The following CELSR1 variants were observed in gnomAD, a reference collection of about 807,000 sequenced individuals.
The protein encoded by CELSR1 is adhesion G protein-coupled receptor C1.
CELSR1 carries 110 observed loss-of-function variants against 249.1 expected under a neutral mutation model. That is an observed-to-expected ratio of 0.44 (90% CI 0.38 to 0.52). The LOEUF is 0.52. Among genes scored for constraint, CELSR1 ranks in the 20% least tolerant of loss-of-function variants. CELSR1 has a pLI of 0.00. For synonymous variants in CELSR1, 2,113 were observed against 1,900.0 expected (o/e 1.11, Z -2.92); for missense variants, 4,109 against 4,296.4 (o/e 0.96, Z 1.22).
In CELSR1 at chr22:46,420,476, G is replaced by A. The variant is rs927380541; in HGVS notation, c.4612-8717C>T. The stretch of plus-strand genomic sequence containing the variant: ...CACCCAGGTGCACTCACCCACTCAC[G>A]TATGCACTCACACGTGTGCACACGT... On this transcript the variant is annotated intron_variant, in intron 5 of 34. Coordinates refer to ENST00000674500, the MANE Select transcript of CELSR1 (RefSeq NM_001378328.1). 2.6e-5 allele frequency among the ~76,000 whole-genome samples: 4 copies of A among 152,048 alleles called. No individual in the cohort carries two copies. The South Asian group carries it at 8.3e-4, about 32-fold the overall frequency.
intron 1 of CELSR1, among the ~76,000 whole-genome samples, chr22:46,510,180 T>C (rs2080558677): frequency 6.6e-6 from 1 of 152,176 alleles, no homozygotes; most frequent in Admixed American, 6.5e-5. Flanking sequence ...GAAGTAATAA[T>C]AACAGCTAAG....
At chr22:46,365,545 A>C in intron 31 of CELSR1, 41 bp downstream of exon 31, 1 of 1,554,764 alleles carries the variant, frequency 6.4e-7, no homozygotes, top group South Asian at 1.2e-5. Context: ...GGACGTGGGA[A>C]AAACAACCCA....
In CELSR1 at chr22:46,430,721, T is replaced by G. The variant is rs747090143; in HGVS notation, c.4611+2672A>C. Among the ~76,000 whole-genome samples, 2 of 152,068 alleles carry G rather than the reference T, an allele frequency of 1.3e-5. No individual in the cohort carries two copies. The highest frequency in any genetic ancestry group is 6.5e-5 in the Admixed American group (1 of 15,272). Reference sequence around the variant, plus strand: ...AGAGGAACCAGCCCCCAGAAGATTGTCTTCCTGACCTCAAGCTGGCCCCCG... The same window carrying G: ...AGAGGAACCAGCCCCCAGAAGATTGGCTTCCTGACCTCAAGCTGGCCCCCG... On this transcript the variant is annotated intron_variant, in intron 5 of 34. Coordinates refer to ENST00000674500, the MANE Select transcript of CELSR1 (RefSeq NM_001378328.1). The surrounding 1 kb of genome is among the most constrained non-coding windows in gnomAD (Gnocchi z 4.6).
At chr22:46,438,058 C>A (rs1258924210) in intron 3 of CELSR1, among the ~76,000 whole-genome samples, 2 of 152,118 alleles carry the variant, frequency 1.3e-5, no homozygotes, top group South Asian at 2.1e-4. Flanking sequence ...CTGCACGGCC[C>A]CCCTGGCAAG....
chr22:46,381,346 C>T lies in CELSR1; in HGVS notation c.7089-391G>A, dbSNP rs963210174. Among the ~76,000 whole-genome samples, 21 of 152,168 alleles carry T rather than the reference C, an allele frequency of 1.4e-4. No homozygotes were observed. The highest frequency in any genetic ancestry group is 3.9e-4 in the African/African-American group (16 of 41,440). On this transcript the variant is annotated intron_variant, in intron 21 of 34. Transcript: ENST00000674500. The surrounding 1 kb of genome is among the most constrained non-coding windows in gnomAD (Gnocchi z 6.0). The stretch of plus-strand genomic sequence containing the variant: ...CCAGTCACTGAGAACCACGTGAACA[C>T]GAGGATCCCAGAGCCAGGGAAGTAT...
chr22:46,396,999 A>C lies in CELSR1; in HGVS notation c.5702-253T>G, dbSNP rs1255848561. 1.3e-5 allele frequency among the ~76,000 whole-genome samples: 2 copies of C among 151,056 alleles called. No homozygotes were observed. Among genetic ancestry groups the C allele is most frequent in the East Asian group, 3.9e-4 (2 of 5,190 alleles). On this transcript the variant is annotated intron_variant, in intron 12 of 34. Transcript: ENST00000674500. This position sits in a 1 kb window ranked among gnomAD's most constrained non-coding sequence, Gnocchi z 6.4. ...TGGAACACGGGGCCCAGGCTGCCCC[A>C]GGACACATGGGGAATGGCCACCAGC...
chr22:46,444,073 A>G (rs115795185), intron 2 of CELSR1, among the ~76,000 whole-genome samples: 3,895 of 152,146 alleles, frequency 0.026, 169 homozygotes, highest in African/African-American at 0.09. Context: ...GGTAGTAAGA[A>G]CCCAGGCTGG....
intron 24 of CELSR1, among the ~76,000 whole-genome samples, chr22:46,375,900 T>G (rs1056551651): frequency 1.3e-5 from 2 of 152,240 alleles, no homozygotes; most frequent in Admixed American, 6.5e-5. Flanking sequence ...TATGAGATCC[T>G]TCATGTTACC....
Position 46,410,270 on chromosome 22 carries a change from G to T in CELSR1, c.4933+128C>A. ...GGTTCCATCCCAGGAGCTGCCCACC[G>T]CTGGACACATACATTTCTAAGAAAA... On this transcript the variant is annotated intron_variant, in intron 7 of 34. Transcript: ENST00000674500. The surrounding 1 kb of genome is among the most constrained non-coding windows in gnomAD (Gnocchi z 6.8). 1.7e-6 allele frequency: 2 copies of T among 1,197,976 alleles called. No homozygotes were observed. The highest frequency in any genetic ancestry group is 2.4e-6 in the Non-Finnish European group (2 of 844,004). The allele number at this position is 1,197,976 out of a possible 1,614,324, so 74.2% of individuals were successfully genotyped here. A position where few individuals can be genotyped will look rare whatever the true frequency, so the allele number is the denominator to read the frequency against.
chr22:46,366,647 G>A (rs562394666), intron 29 of CELSR1, among the ~76,000 whole-genome samples, 167 bp from the exon 30 acceptor site: 10 of 152,276 alleles, frequency 6.6e-5, no homozygotes, highest in Admixed American at 2.6e-4. Context: ...CACTGCAAAC[G>A]AGAGCCTCCT....
At chr22:46,487,258 GTTCTCGAGCTAATTGCA>G (rs1328201071) in intron 1 of CELSR1, among the ~76,000 whole-genome samples, 1 of 152,028 alleles carries the variant, frequency 6.6e-6, no homozygotes, top group Non-Finnish European at 1.5e-5. Context: ...GAGGATTTCA[GTTCTCGAGCTAATTGCA>G]GACGATGTCT....
At chr22:46,370,233 G>C (rs780600714) in intron 25 of CELSR1, 3 of 439,322 alleles carry the variant, frequency 6.8e-6, no homozygotes, top group Non-Finnish European at 1.4e-5. Flanking sequence ...GGAGGACGGC[G>C]TCACCTACAG....
chr22:46,482,851 A>T (rs932974157), intron 1 of CELSR1, among the ~76,000 whole-genome samples: 3 of 152,226 alleles, frequency 2.0e-5, no homozygotes, highest in African/African-American at 7.2e-5. Flanking sequence ...GCTCTATCTG[A>T]TGTCAAGATT....
chr22:46,425,449 C>A (rs552194635), intron 5 of CELSR1, among the ~76,000 whole-genome samples: 1 of 152,324 alleles, frequency 6.6e-6, no homozygotes, highest in African/African-American at 2.4e-5. Context: ...ACTACAAATT[C>A]TATTTCCTCA....
intron 2 of CELSR1, among the ~76,000 whole-genome samples, chr22:46,457,218 G>C (rs1376983397): frequency 6.6e-6 from 1 of 152,014 alleles, no homozygotes; most frequent in African/African-American, 2.4e-5. Context: ...GGTGGTGCAT[G>C]CCTGTAATCC....
rs542625657 is a variant in CELSR1, at chr22:46,450,956, G to C, written c.4184-11545C>G. Among the ~76,000 whole-genome samples the C allele has an allele frequency of 3.3e-5, 5 of 152,306 alleles. No individual in the cohort carries two copies. In the South Asian group the frequency reaches 1.0e-3, roughly 32 times the overall value. ...GGCTGTGAGCTACGCACCTGCGCAA[G>C]GGCGAGGTTACTATTACTGGTCCCT... On this transcript the variant is annotated intron_variant, in intron 2 of 34. Transcript: ENST00000674500.
At chr22:46,462,460 A>G (rs1203147999) in intron 2 of CELSR1, among the ~76,000 whole-genome samples, 1 of 152,162 alleles carries the variant, frequency 6.6e-6, no homozygotes, top group Non-Finnish European at 1.5e-5. Flanking sequence ...CCTGCCTGAT[A>G]AATACCTGCT....
In CELSR1 at chr22:46,417,046, G is replaced by A. The variant is rs190258023; in HGVS notation, c.4612-5287C>T. Among the ~76,000 whole-genome samples, 1,059 of 152,154 alleles carry A rather than the reference G, an allele frequency of 7.0e-3. 10 individuals carry two copies. Among genetic ancestry groups the A allele is most frequent in the African/African-American group, 0.024 (990 of 41,482 alleles). On this transcript the variant is annotated intron_variant, in intron 5 of 34. Transcript: ENST00000674500. The surrounding 1 kb of genome is among the most constrained non-coding windows in gnomAD (Gnocchi z 4.1). ...TCTGTGTCAGAAATGATTAACCAAC[G>A]TTCATATCAAAGAATTCACAGATGG...
intron 2 of CELSR1, among the ~76,000 whole-genome samples, chr22:46,459,114 T>C (rs1278708271): frequency 1.3e-5 from 2 of 152,190 alleles, no homozygotes; most frequent in East Asian, 3.9e-4. Flanking sequence ...GGTCTCAATC[T>C]CCTGACCTCG....
Sources: gnomAD v4.1 joint callset for allele counts (sites outside exome capture counted in the v4.1 genomes callset) on GRCh38, gnomAD v4.1.1 for gene constraint, Gnocchi (gnomAD v3.1) non-coding constraint, MANE v1.5 for transcripts, NCBI Gene and HGNC (gene_info 2026-07-23, HGNC 2026-07-21) for gene names.